SH3BP2: variants seen among roughly 807,000 people sequenced by gnomAD.
SH3BP2 encodes SH3 domain-binding protein 2.
Under a neutral mutation model 56.2 loss-of-function variants are expected in SH3BP2, and 38 were observed. The observed-to-expected ratio is 0.68, with a 90% confidence interval of 0.52 to 0.89. The LOEUF is 0.89. SH3BP2 is among the 40% of genes least tolerant of loss of function. The pLI is 0.00. For synonymous variants in SH3BP2, 346 were observed against 316.7 expected (o/e 1.09, Z -0.98); for missense variants, 748 against 762.6 (o/e 0.98, Z 0.23).
chr4:2,812,073 C>T (rs1723771586), intron 1 of SH3BP2: 14 of 915,250 alleles, frequency 1.5e-5, no homozygotes, highest in Admixed American at 3.7e-5. Context: ...TGCGCTGGAG[C>T]CAGAGAGCCC....
chr4:2,840,774 A>G lies in SH3BP2; in HGVS notation c.*6940A>G, dbSNP rs1353034486. On this transcript the variant is annotated 3_prime_UTR_variant, in exon 13 of 13. Transcript: ENST00000503393. ...GCACTTGATAGTTTGGGAATTTATT[A>G]TAGCTATCAATCAGTTTTGGGAAAA... The G allele has an allele frequency of 6.6e-6, 1 of 152,222 alleles. No individual in the cohort carries two copies. Among genetic ancestry groups the G allele is most frequent in the Non-Finnish European group, 1.5e-5 (1 of 68,040 alleles). The allele number at this position is 152,222 out of a possible 1,614,324, so 9.4% of individuals were successfully genotyped here.
intron 2 of SH3BP2, 68 bp downstream of exon 2, chr4:2,820,821 C>A: frequency 6.7e-7 from 1 of 1,497,424 alleles, no homozygotes; most frequent in Non-Finnish European, 9.1e-7. Flanking sequence ...TGTAAGTAAG[C>A]ATCCTCTCCA....
intron 10 of SH3BP2, 157 bp from the exon 11 acceptor site, chr4:2,832,174 G>A: frequency 1.0e-6 from 1 of 954,262 alleles, no homozygotes; most frequent in Non-Finnish European, 1.7e-6. Flanking sequence ...GGCTCTGCTG[G>A]GCTGCTTCTG....
rs1195122055 is a variant in SH3BP2 at position 2,830,034 on chromosome 4, CTTT to C, written c.1129_1131del (p.Phe377del). On this transcript the variant is annotated inframe_deletion, in exon 8 of 13. Coordinates refer to ENST00000503393, the MANE Select transcript of SH3BP2 (RefSeq NM_001122681.2). ...CAAGGGAGGCAGCCATGCCCGGACTCTTTGTGCCCCCCGTGGCTCCCCGGCCTC... is the reference window on the plus strand; with the variant it reads ...CAAGGGAGGCAGCCATGCCCGGACTCGTGCCCCCCGTGGCTCCCCGGCCTC... The C allele has an allele frequency of 3.7e-6, 6 of 1,612,698 alleles. No individual in the cohort carries two copies. The African/African-American group carries it at 6.7e-5, about 18-fold the overall frequency.
At chr4:2,811,558 G>A (rs959680715) in intron 1 of SH3BP2, among the ~76,000 whole-genome samples, 1 of 152,254 alleles carries the variant, frequency 6.6e-6, no homozygotes, top group Non-Finnish European at 1.5e-5. Context: ...TGGGCTTGGT[G>A]GGGGCAGAGC....
rs370059493 is a variant in SH3BP2, at chr4:2,826,080, C to T, written c.428+884C>T. Among the ~76,000 whole-genome samples the T allele has an allele frequency of 1.8e-3, 281 of 152,366 alleles. 1 individual carries two copies. The highest frequency in any genetic ancestry group is 6.1e-3 in the African/African-American group (252 of 41,592). ...CCAAGCTGTTCAGCCTCGGGCCCAG[C>T]CCAGAGTCGCCCAAGCCCTCTTGAG... On this transcript the variant is annotated intron_variant, in intron 5 of 12. Coordinates refer to ENST00000503393, the MANE Select transcript of SH3BP2 (RefSeq NM_001122681.2).
In SH3BP2 at chr4:2,809,864, C is replaced by T. The variant is rs1231245552; in HGVS notation, c.-4-10750C>T. On this transcript the variant is annotated intron_variant, in intron 1 of 12. Transcript: ENST00000503393. ...CTGTGTCTGGCATGGTGGGAAGTCC[C>T]CAAGCCTGGCAGTTTGAGGCACCAG... 9.2e-6 allele frequency: 9 copies of T among 976,158 alleles called. No homozygotes were observed. In the Admixed American group the frequency reaches 3.7e-4, roughly 40 times the overall value. 60.5% of individuals were successfully genotyped at this position (976,158 alleles called of 1,614,324 possible).
chr4:2,835,746 TC>T lies in SH3BP2; in HGVS notation c.*1915del, dbSNP rs537910047. On this transcript the variant is annotated 3_prime_UTR_variant, in exon 13 of 13. Coordinates refer to ENST00000503393, the MANE Select transcript of SH3BP2 (RefSeq NM_001122681.2). ...TTCAAGCGATTTTCCTGCCTCAGCC[TC>T]CCGAGTAGCTGGGATTCCAGGCGCC... The T allele has an allele frequency of 1.8e-4, 27 of 152,408 alleles. No individual in the cohort carries two copies. Among genetic ancestry groups the T allele is most frequent in the African/African-American group, 6.5e-4 (27 of 41,574 alleles). The allele number at this position is 152,408 out of a possible 1,614,324, so 9.4% of individuals were successfully genotyped here.
At chr4:2,833,539 G>A in intron 12 of SH3BP2, 158 bp from the exon 13 acceptor site, 1 of 850,462 alleles carries the variant, frequency 1.2e-6, no homozygotes, top group African/African-American at 1.7e-5. Flanking sequence ...GCACAGGCCT[G>A]ATGCGGAGGC....
At chr4:2,827,379 C>G (rs114026435) in intron 6 of SH3BP2, 61 bp downstream of exon 6, 2 of 1,480,318 alleles carry the variant, frequency 1.4e-6, no homozygotes, top group Admixed American at 3.3e-5. Context: ...TCCTCTTGGC[C>G]GCTGTGGAGG....
chr4:2,805,939 C>T (rs887943516), intron 1 of SH3BP2, among the ~76,000 whole-genome samples: 6 of 152,188 alleles, frequency 3.9e-5, no homozygotes, highest in Non-Finnish European at 7.3e-5. Context: ...CGCGGGGAGA[C>T]GCCTGTTCTG....
At chr4:2,832,446 C>G (rs1251935779) in intron 11 of SH3BP2, 34 bp downstream of exon 11, 2 of 1,558,284 alleles carry the variant, frequency 1.3e-6, no homozygotes, top group Non-Finnish European at 8.9e-7. Context: ...CAGGGCCCCT[C>G]TGGCTCTCCA....
chr4:2,833,107 G>T (rs1207645215), intron 12 of SH3BP2, 58 bp downstream of exon 12: 1 of 1,509,578 alleles, frequency 6.6e-7, no homozygotes, highest in African/African-American at 1.4e-5. Flanking sequence ...AAGGGGCAGG[G>T]CAGAATCTCC....
At chr4:2,832,088 C>A in intron 10 of SH3BP2, 110 bp downstream of exon 10, 1 of 1,202,442 alleles carries the variant, frequency 8.3e-7, no homozygotes, top group Non-Finnish European at 1.2e-6. Flanking sequence ...AAGTTCATGG[C>A]CCTGCGTGCA....
chr4:2,814,231 C>T (rs979980252), intron 1 of SH3BP2, among the ~76,000 whole-genome samples: 2 of 152,208 alleles, frequency 1.3e-5, no homozygotes, highest in African/African-American at 4.8e-5. Context: ...ACATGAGGGC[C>T]TGCACAGGCC....
At chr4:2,807,628 C>T (rs1372081189) in intron 1 of SH3BP2, among the ~76,000 whole-genome samples, 1 of 152,198 alleles carries the variant, frequency 6.6e-6, no homozygotes, top group African/African-American at 2.4e-5. Flanking sequence ...GGGGCAAGTG[C>T]ATGACAGGTC....
At chr4:2,796,411 C>T in intron 1 of SH3BP2, 1 of 985,516 alleles carries the variant, frequency 1.0e-6, no homozygotes, top group African/African-American at 1.7e-5. Context: ...TGGTCAGGCC[C>T]TGCTTGGTTT....
intron 2 of SH3BP2, among the ~76,000 whole-genome samples, chr4:2,822,707 C>A (rs373002196): frequency 2.0e-5 from 3 of 152,210 alleles, no homozygotes; most frequent in African/African-American, 7.2e-5. Context: ...GGCCTGCCCT[C>A]GGGTGGCACT....
intron 1 of SH3BP2, among the ~76,000 whole-genome samples, chr4:2,809,402 C>T (rs1723657170): frequency 6.6e-6 from 1 of 151,020 alleles, no homozygotes; most frequent in African/African-American, 2.4e-5. Flanking sequence ...CCCACAGGCT[C>T]AATGCCCTCC....
Sources: gnomAD v4.1 joint callset for allele counts (sites outside exome capture counted in the v4.1 genomes callset) on GRCh38, gnomAD v4.1.1 for gene constraint, MANE v1.5 for transcripts, NCBI Gene and HGNC (gene_info 2026-07-23, HGNC 2026-07-21) for gene names.